The following ZNF385D variants were observed in gnomAD, a reference collection of about 807,000 sequenced individuals.
The protein encoded by ZNF385D is zinc finger protein 659.
In ZNF385D, 15 loss-of-function variants were observed where a neutral mutation model predicts 35.8. The observed-to-expected ratio is 0.42, with a 90% CI of 0.28 to 0.64. The LOEUF is 0.64. Among genes scored for constraint, ZNF385D ranks in the 30% least tolerant of loss-of-function variants. The probability of loss-of-function intolerance (pLI) is 0.23; values close to 1 mark genes in which losing one functional copy is unlikely to be tolerated. For synonymous variants in ZNF385D, 212 were observed against 186.8 expected, an observed-to-expected ratio of 1.13 and a Z score of -1.10; for missense variants, 474 against 494.6, an observed-to-expected ratio of 0.96 and a Z score of 0.39.
rs558462031 is a variant in ZNF385D at position 22,084,126 on chromosome 3, A to T, written c.325+84691T>A. ...ACAACCAGTACCAGCCACTGCAAAA[A>T]CATGCCAAATTGTAACGACCATCGT... is the stretch of plus-strand genomic sequence containing the variant. On this transcript the variant is annotated intron_variant, in intron 3 of 5. Transcript: ENST00000494108. Among the ~76,000 whole-genome samples, 726 of 152,322 alleles carry T rather than the reference A, an allele frequency of 4.8e-3. 10 individuals carry two copies. The highest frequency in any genetic ancestry group is 0.016 in the African/African-American group (660 of 41,574).
intron 2 of ZNF385D, among the ~76,000 whole-genome samples, chr3:21,591,133 C>T (rs2063964472): frequency 6.6e-6 from 1 of 152,104 alleles, no homozygotes; most frequent in Admixed American, 6.5e-5. Flanking sequence ...AGTGTTCAAC[C>T]TGCAGTGAGC....
chr3:22,123,689 A>G (rs1031216799), intron 3 of ZNF385D, among the ~76,000 whole-genome samples: 7 of 152,026 alleles, frequency 4.6e-5, no homozygotes, highest in African/African-American at 1.7e-4. Flanking sequence ...GTGAAACCCC[A>G]TCTCTACTAA....
intron 2 of ZNF385D, among the ~76,000 whole-genome samples, chr3:21,599,877 G>C (rs147569807): frequency 6.6e-6 from 1 of 152,290 alleles, no homozygotes; most frequent in East Asian, 1.9e-4. Flanking sequence ...ATGATGTTGA[G>C]ACCTACTGGG....
chr3:21,792,144 G>A (rs56269360), intron 3 of ZNF385D, among the ~76,000 whole-genome samples: 1 of 152,080 alleles, frequency 6.6e-6, no homozygotes, highest in Admixed American at 6.5e-5. Context: ...ATTGTTTTGA[G>A]CAATTAGTTT....
At chr3:21,737,574 A>C (rs538404715) in intron 1 of ZNF385D, among the ~76,000 whole-genome samples, 90 of 152,220 alleles carry the variant, frequency 5.9e-4, no homozygotes, top group Middle Eastern at 3.4e-3. Flanking sequence ...AAATACAACA[A>C]AATGCACCTA....
intron 1 of ZNF385D, among the ~76,000 whole-genome samples, chr3:21,680,429 A>T (rs1381563528): frequency 6.6e-6 from 1 of 152,128 alleles, no homozygotes; most frequent in African/African-American, 2.4e-5. Flanking sequence ...CTAACCATCA[A>T]CTAAAAACAA....
chr3:21,461,022 G>T (rs1703135540), intron 4 of ZNF385D, among the ~76,000 whole-genome samples: 1 of 151,938 alleles, frequency 6.6e-6, no homozygotes, highest in Admixed American at 6.6e-5. Context: ...TTTAAAATGT[G>T]GAAACAAAAA....
At chr3:22,112,002 A>AT (rs1374338568) in intron 3 of ZNF385D, among the ~76,000 whole-genome samples, 2 of 152,146 alleles carry the variant, frequency 1.3e-5, no homozygotes, top group African/African-American at 4.8e-5. Context: ...ATATGCATAA[A>AT]TTAATCAGAC....
At chr3:22,060,476 T>G (rs1699633390) in intron 3 of ZNF385D, among the ~76,000 whole-genome samples, 1 of 152,302 alleles carries the variant, frequency 6.6e-6, no homozygotes, top group African/African-American at 2.4e-5. Flanking sequence ...TAGTGAGGAC[T>G]TTTTCCAAAG....
At chr3:21,768,832 A>T (rs1559604185) in intron 3 of ZNF385D, among the ~76,000 whole-genome samples, 1 of 151,868 alleles carries the variant, frequency 6.6e-6, no homozygotes, top group Admixed American at 6.6e-5. Context: ...GAAATAACAA[A>T]TCAGCAACCA....
intron 3 of ZNF385D, among the ~76,000 whole-genome samples, chr3:21,558,854 G>C (rs944626519): frequency 1.3e-5 from 2 of 152,116 alleles, no homozygotes; most frequent in African/African-American, 4.8e-5. Context: ...AATTCGGATA[G>C]TTAGCATATA....
chr3:21,567,632 T>C (rs2063196796), intron 2 of ZNF385D, among the ~76,000 whole-genome samples: 1 of 152,194 alleles, frequency 6.6e-6, no homozygotes, highest in Admixed American at 6.5e-5. Context: ...TCATGTTCTC[T>C]TGTGTACATT....
At chr3:22,094,817 T>A (rs1252186223) in intron 3 of ZNF385D, among the ~76,000 whole-genome samples, 1 of 152,100 alleles carries the variant, frequency 6.6e-6, no homozygotes, top group East Asian at 1.9e-4. Flanking sequence ...GTTAACTTCA[T>A]TCCTCACAGC....
At chr3:22,146,134 C>T (rs560631679) in intron 3 of ZNF385D, among the ~76,000 whole-genome samples, 2 of 151,732 alleles carry the variant, frequency 1.3e-5, no homozygotes, top group Non-Finnish European at 2.9e-5. Context: ...TGCAAACATT[C>T]GAAGAAAGGA....
intron 5 of ZNF385D, among the ~76,000 whole-genome samples, chr3:21,435,491 C>A (rs946822381): frequency 2.0e-5 from 3 of 151,786 alleles, no homozygotes; most frequent in African/African-American, 7.3e-5. Context: ...GTCTCAAATT[C>A]CTGGTCTCAA....
At chr3:21,786,218 C>G (rs1002709582) in intron 3 of ZNF385D, among the ~76,000 whole-genome samples, 4 of 152,100 alleles carry the variant, frequency 2.6e-5, no homozygotes, top group Non-Finnish European at 4.4e-5. Flanking sequence ...ACTTTATAAG[C>G]TTCTCTAAGT....
chr3:21,451,993 T>A (rs1339868125), intron 4 of ZNF385D, among the ~76,000 whole-genome samples: 2 of 152,036 alleles, frequency 1.3e-5, no homozygotes, highest in Non-Finnish European at 2.9e-5. Context: ...AATTATATAT[T>A]TTTTATTTCT....
intron 2 of ZNF385D, among the ~76,000 whole-genome samples, chr3:21,633,533 A>G (rs1269981497): frequency 3.3e-5 from 5 of 152,110 alleles, no homozygotes; most frequent in African/African-American, 7.2e-5. Context: ...ATAAATTATC[A>G]AGAGATTATT....
At chr3:22,034,895 G>T (rs1172301010) in intron 3 of ZNF385D, among the ~76,000 whole-genome samples, 12 of 152,200 alleles carry the variant, frequency 7.9e-5, no homozygotes, top group African/African-American at 2.6e-4. Context: ...TCAGCCCGGA[G>T]ATATGTTGAA....
Sources: gnomAD v4.1 joint callset for allele counts (sites outside exome capture counted in the v4.1 genomes callset) on GRCh38, gnomAD v4.1.1 for gene constraint, MANE v1.5 for transcripts, NCBI Gene and HGNC (gene_info 2026-07-23, HGNC 2026-07-21) for gene names.